Variants in PLPP2 observed in about 807,000 individuals in gnomAD.
PLPP2 encodes the protein PAP2-gamma.
Under a neutral mutation model 35.2 loss-of-function variants are expected in PLPP2, and 29 were observed. That is an observed-to-expected ratio of 0.82 (90% CI 0.61 to 1.12). The LOEUF is 1.12. Among genes scored for constraint, PLPP2 ranks in the 50% most tolerant of loss-of-function variants. The pLI is 0.00. For synonymous variants in PLPP2, 162 were observed against 167.0 expected (o/e 0.97, Z 0.23); for missense variants, 353 against 375.2 (o/e 0.94, Z 0.49).
chr19:291,034 GC>G, intron 1 of PLPP2: 3 of 1,280,624 alleles, frequency 2.3e-6, no homozygotes, highest in Non-Finnish European at 2.0e-6. Context: ...GGGGATGCTG[GC>G]CCCGGCTCCC....
Position 287,688 on chromosome 19 carries a change from T to C in PLPP2, c.268A>G (p.Asn90Asp), listed in dbSNP as rs1238447349. ...ACCTTGTATACAGCAGCCACGTAGTTGTTGAAGTCCGAGCGAGAATAGAGC... is the reference window on the plus strand; with the variant it reads ...ACCTTGTATACAGCAGCCACGTAGTCGTTGAAGTCCGAGCGAGAATAGAGC... ...DRLYSRSDFN[N>D]YVAAVYKVLG... The change falls in exon 3 of 6, where the codon AAC (asparagine) becomes GAC (aspartate). Residue 90 changes from asparagine (N) to aspartate (D), a missense_variant. Coordinates refer to ENST00000434325, the MANE Select transcript of PLPP2 (RefSeq NM_003712.4). This position sits in a 1 kb window ranked among gnomAD's most constrained non-coding sequence, Gnocchi z 4.3. The C allele has an allele frequency of 1.2e-6, 2 of 1,613,862 alleles. No homozygotes were observed. The highest frequency in any genetic ancestry group is 1.7e-6 in the Non-Finnish European group (2 of 1,180,002).
chr19:282,135 G>A lies in PLPP2; in HGVS notation c.716C>T (p.Thr239Ile), dbSNP rs1256032426. The change falls in exon 5 of 6, where the codon ACT (threonine) becomes ATT (isoleucine). Residue 239 changes from threonine to isoleucine, a missense_variant and splice_region_variant. Coordinates refer to ENST00000434325, the MANE Select transcript of PLPP2 (RefSeq NM_003712.4). Reference protein sequence around the residue: ...LLQGALVAALTVCYISDFFKA... With the variant: ...LLQGALVAALIVCYISDFFKA... ...ATAGAGTTAGGGTTAGAAGCTCACAGTGAGGGCAGCCACCAGTGCCCCCTG... is the reference window on the plus strand; with the variant it reads ...ATAGAGTTAGGGTTAGAAGCTCACAATGAGGGCAGCCACCAGTGCCCCCTG... The A allele has an allele frequency of 5.0e-6, 8 of 1,613,224 alleles. No individual in the cohort carries two copies. The highest frequency in any genetic ancestry group is 6.8e-6 in the Non-Finnish European group (8 of 1,179,742).
Position 287,337 on chromosome 19 carries a change from A to C in PLPP2, c.482+137T>G, listed in dbSNP as rs1970285862. 3 of 1,087,746 alleles carry C rather than the reference A, an allele frequency of 2.8e-6. No homozygotes were observed. Among genetic ancestry groups the C allele is most frequent in the Non-Finnish European group, 3.9e-6 (3 of 759,868 alleles). The allele number at this position is 1,087,746 out of a possible 1,614,324, so 67.4% of individuals were successfully genotyped here. ...CTTCAAAAACATACAAGAATGCACT[A>C]ACTTATACAAAAATTAGCCGGGCGT... On this transcript the variant is annotated intron_variant, in intron 3 of 5. Coordinates refer to ENST00000434325, the MANE Select transcript of PLPP2 (RefSeq NM_003712.4). The surrounding 1 kb of genome is among the most constrained non-coding windows in gnomAD (Gnocchi z 4.3).
At chr19:291,143 C>T (rs934703316) in intron 1 of PLPP2, 142 bp downstream of exon 1, 9 of 1,442,416 alleles carry the variant, frequency 6.2e-6, no homozygotes, top group African/African-American at 1.5e-5. Context: ...GAGGTCTGGT[C>T]CTCACGCGAG....
At position 287,545 on chromosome 19, in the gene PLPP2, C is replaced by G; in HGVS notation, c.411G>C (p.Arg137=). The change falls in exon 3 of 6, where the codon CGG becomes CGC. Residue 137 remains arginine (R), a synonymous_variant. Transcript: ENST00000434325. This position sits in a 1 kb window ranked among gnomAD's most constrained non-coding sequence, Gnocchi z 4.3. Reference sequence around the variant, plus strand: ...GCTGCACATAGACCGAGCAGTTGACCCGGCTCCAGTCGGGGTCGCAGACGG... The same window carrying G: ...GCTGCACATAGACCGAGCAGTTGACGCGGCTCCAGTCGGGGTCGCAGACGG... ...FLAVCDPDWS[R]VNCSVYVQLE... The G allele has an allele frequency of 6.2e-7, 1 of 1,613,752 alleles. No homozygotes were observed. The highest frequency in any genetic ancestry group is 8.5e-7 in the Non-Finnish European group (1 of 1,180,036).
intron 3 of PLPP2, 61 bp from the exon 4 acceptor site, chr19:282,870 G>A (rs1323552545): frequency 9.9e-6 from 15 of 1,510,408 alleles, no homozygotes; most frequent in Admixed American, 1.7e-5. Context: ...CCTTGTCCCC[G>A]CCCCGCCCAC....
At chr19:283,601 G>T (rs1200224973) in intron 3 of PLPP2, 1 of 152,222 alleles carries the variant, frequency 6.6e-6, no homozygotes, top group East Asian at 1.9e-4. Context: ...AACCAAACAG[G>T]CCAGGGAATA....
intron 1 of PLPP2, 181 bp downstream of exon 1, chr19:291,104 G>A: frequency 3.0e-6 from 4 of 1,342,020 alleles, no homozygotes; most frequent in African/African-American, 1.5e-5. Context: ...CCGAGCCTGG[G>A]AGGGCGCGCG....
intron 1 of PLPP2, among the ~76,000 whole-genome samples, chr19:289,452 C>T (rs867829489): frequency 1.8e-4 from 18 of 97,428 alleles, no homozygotes; most frequent in African/African-American, 6.8e-4. Flanking sequence ...TGGGCAGGCC[C>T]GGCGTGGTGG....
Position 287,921 on chromosome 19 carries a change from T to A in PLPP2, c.204+99A>T. On this transcript the variant is annotated intron_variant, in intron 2 of 5. Coordinates refer to ENST00000434325, the MANE Select transcript of PLPP2 (RefSeq NM_003712.4). The surrounding 1 kb of genome is among the most constrained non-coding windows in gnomAD (Gnocchi z 4.3). ...TGTGTCCCCCGGCCCCACACAGACC[T>A]CCAGGGCAGGGCTGTGCCACCCCCC... The A allele has an allele frequency of 6.5e-7, 1 of 1,532,228 alleles. No individual in the cohort carries two copies. Among genetic ancestry groups the A allele is most frequent in the Non-Finnish European group, 8.8e-7 (1 of 1,131,226 alleles). 94.9% of individuals were successfully genotyped at this position (1,532,228 alleles called of 1,614,324 possible).
chr19:291,390 G>C lies in PLPP2; in HGVS notation c.-54C>G. 6.5e-7 allele frequency: 1 copy of C among 1,550,172 alleles called. No homozygotes were observed. On this transcript the variant is annotated 5_prime_UTR_variant, in exon 1 of 6. Transcript: ENST00000434325. ...AGCGCGTCCCGTCGCGTCCCGGCCC[G>C]GCCGCGGAGTCACGTGGCGCGGAGC... is the stretch of plus-strand genomic sequence containing the variant.
At chr19:290,886 G>A (rs562924464) in intron 1 of PLPP2, 2 of 1,176,060 alleles carry the variant, frequency 1.7e-6, no homozygotes, top group Non-Finnish European at 2.1e-6. Flanking sequence ...CCCCAGGGGC[G>A]GAGGCGCGGA....
intron 1 of PLPP2, among the ~76,000 whole-genome samples, chr19:289,147 C>T (rs1042749256): frequency 2.0e-5 from 3 of 152,252 alleles, no homozygotes; most frequent in Admixed American, 6.5e-5. Context: ...GAGTCATCTA[C>T]GGAGAACGGG....
intron 1 of PLPP2, 107 bp downstream of exon 1, chr19:291,178 G>A: frequency 1.3e-6 from 2 of 1,552,394 alleles, no homozygotes; most frequent in Non-Finnish European, 1.7e-6. Flanking sequence ...GGTCCTCGGA[G>A]GGACGAGGGC....
chr19:287,476 G>A lies in PLPP2; in HGVS notation c.480C>T (p.Ala160=), dbSNP rs1256315460. 6.2e-7 allele frequency: 1 copy of A among 1,606,958 alleles called. No homozygotes were observed. The highest frequency in any genetic ancestry group is 1.1e-5 in the South Asian group (1 of 90,922). ...CRGNPADVTE[A]RLSFYSGHSS... is the part of the protein sequence containing the mutation. ...GAAGGCTGCTGGTCCACACCCACCT[G>A]GCCTCGGTGACATCAGCAGGGTTTC... is the stretch of plus-strand genomic sequence containing the variant. The change falls in exon 3 of 6, where the codon GCC becomes GCT. Residue 160 remains alanine (A), a splice_region_variant and synonymous_variant. Transcript: ENST00000434325. This position sits in a 1 kb window ranked among gnomAD's most constrained non-coding sequence, Gnocchi z 4.3.
intron 1 of PLPP2, among the ~76,000 whole-genome samples, chr19:289,531 C>A (rs765142383): frequency 1.6e-4 from 24 of 151,954 alleles, no homozygotes; most frequent in African/African-American, 5.1e-4. Flanking sequence ...CTGGCTAACA[C>A]GGTGAAACCC....
rs1970282176 is a variant in PLPP2 at position 287,079 on chromosome 19, A to C, written c.482+395T>G. 1 of 179,004 alleles carries C rather than the reference A, an allele frequency of 5.6e-6. No homozygotes were observed. Among genetic ancestry groups the C allele is most frequent in the African/African-American group, 2.4e-5 (1 of 41,922 alleles). The allele number at this position is 179,004 out of a possible 1,614,324, so 11.1% of individuals were successfully genotyped here. ...GTTGAAAGTCCAAGAATGGAAAAAA[A>C]AAATATTCCATGCAAACAATAACAA... On this transcript the variant is annotated intron_variant, in intron 3 of 5. Transcript: ENST00000434325. The surrounding 1 kb of genome is among the most constrained non-coding windows in gnomAD (Gnocchi z 4.3).
chr19:290,999 G>A (rs1221643631), intron 1 of PLPP2: 1 of 1,273,266 alleles, frequency 7.9e-7, no homozygotes, highest in Non-Finnish European at 9.9e-7. Flanking sequence ...CGGCCCCTCC[G>A]CACAGACTTC....
intron 1 of PLPP2, chr19:290,941 G>A (rs1256416642): frequency 8.1e-7 from 1 of 1,231,970 alleles, no homozygotes; most frequent in South Asian, 4.0e-5. Context: ...TCCCGGGCCC[G>A]CGTGACTCAC....
Sources: allele counts gnomAD v4.1 joint callset (sites outside exome capture counted in the v4.1 genomes callset), GRCh38; gene constraint gnomAD v4.1.1; non-coding constraint Gnocchi (gnomAD v3.1); transcripts MANE v1.5; gene names NCBI Gene and HGNC (gene_info 2026-07-23, HGNC 2026-07-21).